The following NGLY1 variants were observed in gnomAD, a reference collection of about 807,000 sequenced individuals.
The protein encoded by NGLY1 is peptide-N(4)-(N-acetyl-beta-glucosaminyl)asparagine amidase.
A neutral mutation model predicts 84.6 loss-of-function variants in NGLY1; 68 were observed. The observed-to-expected ratio is 0.80, with a 90% confidence interval of 0.66 to 0.98. NGLY1 has a LOEUF of 0.98. Among genes scored for constraint, NGLY1 ranks in the 50% least tolerant of loss-of-function variants. The pLI is 0.00. For missense variants in NGLY1, 779 were observed against 770.2 expected (o/e 1.01, Z -0.14); for synonymous variants, 280 against 275.2 (o/e 1.02, Z -0.17).
chr3:25,780,117 T>C (rs1422857608), intron 1 of NGLY1, among the ~76,000 whole-genome samples: 2 of 152,240 alleles, frequency 1.3e-5, no homozygotes, highest in Non-Finnish European at 2.9e-5. Flanking sequence ...TGTTCTTTAC[T>C]ATATGTAATT....
At chr3:25,771,344 G>A (rs1434921746) in intron 2 of NGLY1, among the ~76,000 whole-genome samples, 1 of 152,082 alleles carries the variant, frequency 6.6e-6, no homozygotes, top group Admixed American at 6.5e-5. Context: ...AGATCAGTTG[G>A]CTGTAAGTAT....
Position 25,764,082 on chromosome 3 carries a change from G to A in NGLY1, c.476C>T (p.Pro159Leu), listed in dbSNP as rs1270766241. Residue 159 changes from proline to leucine, a missense_variant, in exon 3 of 12, where the codon CCA becomes CTA. Physicochemically the swap from Pro to Leu is moderately conservative, Grantham distance 98. Coordinates refer to ENST00000280700, the MANE Select transcript of NGLY1 (RefSeq NM_018297.4). ...TAACATTACCGTTGAAGCAGATGGTGGATCTGATGACTGCCCTTGACGGTT... is the reference window on the plus strand; with the variant it reads ...TAACATTACCGTTGAAGCAGATGGTAGATCTGATGACTGCCCTTGACGGTT... ...TRNRQGQSSD[P>L]PSASTVAADS... is the part of the protein sequence containing the mutation. 5 of 1,614,116 alleles carry A rather than the reference G, an allele frequency of 3.1e-6. No individual in the cohort carries two copies. Among genetic ancestry groups the A allele is most frequent in the Non-Finnish European group, 3.4e-6 (4 of 1,179,988 alleles).
intron 10 of NGLY1, among the ~76,000 whole-genome samples, chr3:25,726,573 G>T (rs1166180287): frequency 6.6e-6 from 1 of 152,140 alleles, no homozygotes; most frequent in African/African-American, 2.4e-5. Context: ...TGTGAAGAAG[G>T]GAGAAGGGAC....
rs531889481 is a variant in NGLY1, at chr3:25,719,646, GAA to G, written c.1790-13_1790-12del. On this transcript the variant is annotated splice_polypyrimidine_tract_variant and intron_variant, in intron 11 of 11. Coordinates refer to ENST00000280700, the MANE Select transcript of NGLY1 (RefSeq NM_018297.4). ...AGTGAAGACTGTTATCTGTTAGAGG[GAA>G]AAAAAAAATTAACATTTTGCTTTTG... The G allele has an allele frequency of 6.6e-7, 1 of 1,515,392 alleles. No homozygotes were observed. The highest frequency in any genetic ancestry group is 8.9e-7 in the Non-Finnish European group (1 of 1,118,734). The allele number at this position is 1,515,392 out of a possible 1,614,324, so 93.9% of individuals were successfully genotyped here. A position where few individuals can be genotyped will look rare whatever the true frequency, so the allele number is the denominator to read the frequency against.
At position 25,760,178 on chromosome 3, in the gene NGLY1, G is replaced by A. The variant is rs968337770; in HGVS notation, c.492+3888C>T. Among the ~76,000 whole-genome samples the A allele has an allele frequency of 3.3e-5, 5 of 152,134 alleles. No individual in the cohort carries two copies. In the East Asian group the frequency reaches 9.7e-4, roughly 29 times the overall value. On this transcript the variant is annotated intron_variant, in intron 3 of 11. Transcript: ENST00000280700. ...AAATACTCAATAGTATAAATAATAT[G>A]AAAGCACCCATAATTTCATCACTCA...
intron 3 of NGLY1, among the ~76,000 whole-genome samples, chr3:25,760,341 G>T (rs546661174): frequency 2.6e-5 from 4 of 152,172 alleles, no homozygotes; most frequent in Non-Finnish European, 5.9e-5. Context: ...AACATATGTT[G>T]TTTAATTTTG....
intron 9 of NGLY1, among the ~76,000 whole-genome samples, chr3:25,731,043 A>G (rs1337364651): frequency 6.6e-6 from 1 of 152,088 alleles, no homozygotes; most frequent in African/African-American, 2.4e-5. Context: ...CTACCTATGG[A>G]AATTATATTT....
At chr3:25,786,264 A>C (rs1222637822), upstream of NGLY1, among the ~76,000 whole-genome samples, 1 of 152,002 alleles carries the variant, frequency 6.6e-6, no homozygotes, top group South Asian at 2.1e-4. Flanking sequence ...CAGAGGTTGC[A>C]GTGAGCTGAG....
rs187302485 is a variant in NGLY1 at position 25,745,322 on chromosome 3, A to G, written c.659-5523T>C. Among the ~76,000 whole-genome samples, 592 of 152,218 alleles carry G rather than the reference A, an allele frequency of 3.9e-3. 4 individuals are homozygous for G. The highest frequency in any genetic ancestry group is 0.014 in the African/African-American group (565 of 41,520). On this transcript the variant is annotated intron_variant, in intron 4 of 11. Coordinates refer to ENST00000280700, the MANE Select transcript of NGLY1 (RefSeq NM_018297.4). ...TACACTGTTTTCTAGAACCTCTGTA[A>G]TCCTACCTCTCCACCCTGTCCTCTC...
Position 25,749,735 on chromosome 3 carries a change from A to G in NGLY1, c.658+1363T>C, listed in dbSNP as rs183169863. On this transcript the variant is annotated intron_variant, in intron 4 of 11. Transcript: ENST00000280700. ...CCAGAAGTTCCTGGTCCACAACGTCAAGGAGCTTGAAGTGCTGCTGATGTG... is the reference window on the plus strand; with the variant it reads ...CCAGAAGTTCCTGGTCCACAACGTCGAGGAGCTTGAAGTGCTGCTGATGTG... 3.2e-4 allele frequency: 500 copies of G among 1,574,332 alleles called. 2 individuals are homozygous for G. The Admixed American group carries it at 8.1e-3, about 26-fold the overall frequency.
At chr3:25,781,194 G>A (rs1211436743) in intron 1 of NGLY1, among the ~76,000 whole-genome samples, 3 of 151,968 alleles carry the variant, frequency 2.0e-5, no homozygotes, top group Non-Finnish European at 4.4e-5. Flanking sequence ...CAAGCAATCC[G>A]CCCACCTTGG....
chr3:25,733,905 T>C lies in NGLY1; in HGVS notation c.1227A>G (p.Leu409=), dbSNP rs1349363319. ...IARRTKVKEA[L]LRDTINGLNK... The stretch of plus-strand genomic sequence containing the variant: ...TAAGCCCATTAATAGTGTCTCGAAG[T>C]AATGCTTCTTTAACCTTAGTTCTTC... The change falls in exon 8 of 12, where the codon TTA becomes TTG. Residue 409 remains leucine (L), a synonymous_variant. Coordinates refer to ENST00000280700, the MANE Select transcript of NGLY1 (RefSeq NM_018297.4). The C allele has an allele frequency of 6.2e-7, 1 of 1,613,834 alleles. No homozygotes were observed. Among genetic ancestry groups the C allele is most frequent in the East Asian group, 2.2e-5 (1 of 44,852 alleles).
At position 25,719,303 on chromosome 3, in the gene NGLY1, C is replaced by T. The variant is rs1559525222; in HGVS notation, c.*157G>A. The T allele has an allele frequency of 3.7e-5, 19 of 516,744 alleles. No homozygotes were observed. In the South Asian group the frequency reaches 7.7e-4, roughly 21 times the overall value. The allele number at this position is 516,744 out of a possible 1,614,324, so 32.0% of individuals were successfully genotyped here. A position where few individuals can be genotyped will look rare whatever the true frequency, so the allele number is the denominator to read the frequency against. ...TAATTCAATATTTTATTATAGTCCA[C>T]GTATAAAGATAATTTTCATGAGGGT... On this transcript the variant is annotated 3_prime_UTR_variant, in exon 12 of 12. Coordinates refer to ENST00000280700, the MANE Select transcript of NGLY1 (RefSeq NM_018297.4).
rs149075088 is a variant in NGLY1, at chr3:25,776,585, T to G, written c.246+1989A>C. On this transcript the variant is annotated intron_variant, in intron 2 of 11. Coordinates refer to ENST00000280700, the MANE Select transcript of NGLY1 (RefSeq NM_018297.4). Reference sequence around the variant, plus strand: ...TGCTTACTTGGCTTCTCTACTTGAATATTTAACAGCAAATTGGTCACAATT... The same window carrying G: ...TGCTTACTTGGCTTCTCTACTTGAAGATTTAACAGCAAATTGGTCACAATT... 1.5e-4 allele frequency among the ~76,000 whole-genome samples: 23 copies of G among 152,338 alleles called. 1 individual carries two copies. In the Middle Eastern group the frequency reaches 0.024, roughly 158 times the overall value.
Position 25,778,676 on chromosome 3 carries a change from A to G in NGLY1, c.144T>C (p.Asp48=). ...YADNILRNPN[D]EKYRSIRIGN... is the part of the protein sequence containing the mutation. ...CAATCCGGATGGATCTATATTTTTC[A>G]TCATTAGGGTTTCTGACAAAAAACA... Residue 48 remains aspartate (D), a synonymous_variant, in exon 2 of 12, where the codon GAT becomes GAC. Transcript: ENST00000280700. The G allele has an allele frequency of 1.3e-6, 2 of 1,597,688 alleles. No individual in the cohort carries two copies. The highest frequency in any genetic ancestry group is 1.3e-5 in the African/African-American group (1 of 74,148).
chr3:25,738,352 T>A (rs1705946354), intron 5 of NGLY1, among the ~76,000 whole-genome samples: 2 of 152,192 alleles, frequency 1.3e-5, no homozygotes, highest in Non-Finnish European at 2.9e-5. Flanking sequence ...TTGGGATCTA[T>A]TTGTAACATT....
At chr3:25,767,827 T>C (rs1474275461) in intron 2 of NGLY1, among the ~76,000 whole-genome samples, 2 of 152,014 alleles carry the variant, frequency 1.3e-5, no homozygotes, top group Admixed American at 6.6e-5. Context: ...CAAGATGGAT[T>C]AGAGGCTGGG....
rs565447910 is a variant in NGLY1, at chr3:25,778,925, C to CTTTTTTTTT, written c.132-246_132-238dup. Among the ~76,000 whole-genome samples the CTTTTTTTTT allele has an allele frequency of 9.1e-5, 5 of 54,694 alleles. 1 individual carries two copies. Among genetic ancestry groups the CTTTTTTTTT allele is most frequent in the African/African-American group, 3.0e-4 (5 of 16,782 alleles). 35.9% of individuals were successfully genotyped at this position (54,694 alleles called of 152,430 possible). On this transcript the variant is annotated intron_variant, in intron 1 of 11. Coordinates refer to ENST00000280700, the MANE Select transcript of NGLY1 (RefSeq NM_018297.4). The stretch of plus-strand genomic sequence containing the variant: ...GTCTCGCTTCAGTTTAAGATACATT[C>CTTTTTTTTT]TTTTTTTTTTTTTTTTTTTTTTTTT...
rs1704850220 is a variant in NGLY1 at position 25,719,145 on chromosome 3, A to C, written c.*315T>G. 5.5e-6 allele frequency: 1 copy of C among 180,756 alleles called. No individual in the cohort carries two copies. The highest frequency in any genetic ancestry group is 1.9e-4 in the South Asian group (1 of 5,346). 11.2% of individuals were successfully genotyped at this position (180,756 alleles called of 1,614,324 possible). A position where few individuals can be genotyped will look rare whatever the true frequency, so the allele number is the denominator to read the frequency against. ...TATCATAAGCCCAAGATTTTATCAT[A>C]ATCATGAATAGCATTTAATCATGAA... On this transcript the variant is annotated 3_prime_UTR_variant, in exon 12 of 12. Transcript: ENST00000280700.
Sources: gnomAD v4.1 joint callset for allele counts (sites outside exome capture counted in the v4.1 genomes callset) on GRCh38, gnomAD v4.1.1 for gene constraint, MANE v1.5 for transcripts, NCBI Gene and HGNC (gene_info 2026-07-23, HGNC 2026-07-21) for gene names.